C12orf42: variants seen among roughly 807,000 people sequenced by gnomAD.
C12orf42 encodes the protein uncharacterized protein C12orf42.
A neutral mutation model predicts 21.6 loss-of-function variants in C12orf42; 25 were observed. The ratio of observed to expected loss-of-function variants is 1.16; its 90% confidence interval spans 0.84 to 1.62. The LOEUF (loss-of-function observed/expected upper bound fraction) is 1.62, where lower values mean the gene tolerates loss of function less well. C12orf42 is among the 40% of genes most tolerant of loss of function. The pLI is 0.00. For missense variants in C12orf42, 483 were observed against 459.3 expected, an observed-to-expected ratio of 1.05 and a Z score of -0.47; for synonymous variants, 174 against 175.0, an observed-to-expected ratio of 0.99 and a Z score of 0.05.
At chr12:103,553,745 T>G in the C12orf42 span, among the ~76,000 whole-genome samples, 59 of 152,240 alleles carry the variant, frequency 3.9e-4, no homozygotes, top group African/African-American at 1.4e-3. Context: ...TTTTAGTAAG[T>G]GCCCAGATGG....
chr12:103,228,312 A>G, the C12orf42 span, among the ~76,000 whole-genome samples: 15 of 151,948 alleles, frequency 9.9e-5, no homozygotes, highest in Non-Finnish European at 1.9e-4. Flanking sequence ...GGGGGTCGCA[A>G]GGTGCTCAGT....
intron 2 of C12orf42, among the ~76,000 whole-genome samples, chr12:103,418,266 C>T (rs1450073451): frequency 6.6e-6 from 1 of 152,046 alleles, no homozygotes; most frequent in Non-Finnish European, 1.5e-5. Context: ...GTCCTAGAAT[C>T]CAAATCAAAG....
chr12:103,313,437 G>T (rs1335321403), intron 4 of C12orf42, among the ~76,000 whole-genome samples: 1 of 152,188 alleles, frequency 6.6e-6, no homozygotes, highest in Non-Finnish European at 1.5e-5. Context: ...AGGTGGCAGA[G>T]GTTGGAGGCC....
intron 4 of C12orf42, among the ~76,000 whole-genome samples, chr12:103,324,609 AT>A (rs2040497789): frequency 6.6e-6 from 1 of 152,180 alleles, no homozygotes; most frequent in Non-Finnish European, 1.5e-5. Context: ...ATTTTATGCG[AT>A]TCCATATGTC....
chr12:103,474,513 T>C (rs1171051482), intron 2 of C12orf42, among the ~76,000 whole-genome samples: 2 of 151,784 alleles, frequency 1.3e-5, no homozygotes, highest in Non-Finnish European at 2.9e-5. Context: ...CAAGAATAAT[T>C]CATCAAAAAT....
chr12:103,123,754 G>A, the C12orf42 span, among the ~76,000 whole-genome samples: 1 of 151,552 alleles, frequency 6.6e-6, no homozygotes, highest in South Asian at 2.1e-4. Flanking sequence ...AGGTGATAAT[G>A]TATTGCATAT....
rs180864600 is a variant in C12orf42, at chr12:103,429,471, G to A, written c.79-27796C>T. 2.8e-3 allele frequency among the ~76,000 whole-genome samples: 429 copies of A among 152,248 alleles called. 2 individuals are homozygous for A. The highest frequency in any genetic ancestry group is 9.9e-3 in the African/African-American group (412 of 41,532). On this transcript the variant is annotated intron_variant, in intron 2 of 5. Transcript: ENST00000548883. Reference sequence around the variant, plus strand: ...ACCATTGCTCAAGGAAATAAGAGAAGACACAAACAAATGGAAAAACAGTCC... The same window carrying A: ...ACCATTGCTCAAGGAAATAAGAGAAAACACAAACAAATGGAAAAACAGTCC...
intron 3 of C12orf42, among the ~76,000 whole-genome samples, chr12:103,373,578 G>A (rs904677189): frequency 2.0e-5 from 3 of 152,060 alleles, no homozygotes; most frequent in Non-Finnish European, 2.9e-5. Context: ...TTCAACTTTA[G>A]GACACCTAGC....
At chr12:103,497,995 A>G (rs1955613000), upstream of C12orf42, among the ~76,000 whole-genome samples, 2 of 152,220 alleles carry the variant, frequency 1.3e-5, no homozygotes, top group African/African-American at 4.8e-5. Flanking sequence ...AGACAGCGCC[A>G]CTTCACTCCA....
At chr12:103,171,266 G>A in the C12orf42 span, among the ~76,000 whole-genome samples, 2 of 151,952 alleles carry the variant, frequency 1.3e-5, no homozygotes, top group South Asian at 2.1e-4. Context: ...TAAACACCTC[G>A]GTATATACTT....
At chr12:103,392,646 A>G (rs974152075) in intron 3 of C12orf42, among the ~76,000 whole-genome samples, 1 of 152,208 alleles carries the variant, frequency 6.6e-6, no homozygotes, top group African/African-American at 2.4e-5. Flanking sequence ...GCTAGTGCAT[A>G]GACACACAAC....
At chr12:103,134,587 A>G in the C12orf42 span, among the ~76,000 whole-genome samples, 1 of 152,060 alleles carries the variant, frequency 6.6e-6, no homozygotes, top group Non-Finnish European at 1.5e-5. Flanking sequence ...AAAAGAATTA[A>G]GAAGAATGAA....
At chr12:103,195,240 T>A in the C12orf42 span, among the ~76,000 whole-genome samples, 1 of 152,170 alleles carries the variant, frequency 6.6e-6, no homozygotes, top group African/African-American at 2.4e-5. Context: ...TTGTGAATAG[T>A]GCTATGATGA....
At chr12:103,557,499 AC>A in the C12orf42 span, 1 of 152,196 alleles carries the variant, frequency 6.6e-6, no homozygotes, top group African/African-American at 2.4e-5. Context: ...TCCTCTGGTC[AC>A]CAGATCCTAC....
chr12:103,205,145 C>T, the C12orf42 span, among the ~76,000 whole-genome samples: 2 of 152,154 alleles, frequency 1.3e-5, no homozygotes, highest in Admixed American at 1.3e-4. Flanking sequence ...GTTGATGAGG[C>T]TGTGGAACAA....
At chr12:103,127,431 A>G in the C12orf42 span, among the ~76,000 whole-genome samples, 2 of 152,226 alleles carry the variant, frequency 1.3e-5, no homozygotes, top group Non-Finnish European at 2.9e-5. Flanking sequence ...GGTCTATAAC[A>G]TGATCAAATT....
the C12orf42 span, among the ~76,000 whole-genome samples, chr12:103,201,885 A>G: frequency 6.6e-6 from 1 of 152,238 alleles, no homozygotes; most frequent in Admixed American, 6.5e-5. Context: ...CATCATTTGC[A>G]TAGTCTAAAA....
chr12:103,516,933 A>G, the C12orf42 span, among the ~76,000 whole-genome samples: 1 of 152,352 alleles, frequency 6.6e-6, no homozygotes, highest in South Asian at 2.1e-4. Context: ...CAGACCATAG[A>G]GCAACAAAAT....
chr12:103,158,661 A>G, the C12orf42 span, among the ~76,000 whole-genome samples: 1 of 152,232 alleles, frequency 6.6e-6, no homozygotes, highest in East Asian at 1.9e-4. Context: ...TAGGCTGATC[A>G]TGAGGTCAGG....
Sources: gnomAD v4.1 joint callset for allele counts (sites outside exome capture counted in the v4.1 genomes callset) on GRCh38, gnomAD v4.1.1 for gene constraint, MANE v1.5 for transcripts, NCBI Gene and HGNC (gene_info 2026-07-23, HGNC 2026-07-21) for gene names.